Variants in NUP205 observed in about 807,000 individuals in gnomAD.
The protein encoded by NUP205 is nucleoporin 205.
A neutral mutation model predicts 253.8 loss-of-function variants in NUP205; 76 were observed. That is an observed-to-expected ratio of 0.30 (90% CI 0.25 to 0.36). The LOEUF is 0.36. Ranked by LOEUF, NUP205 falls within the 10% of genes least tolerant of loss-of-function variation. NUP205 has a pLI of 1.00. For missense variants in NUP205, 2,162 were observed against 2,425.5 expected (o/e 0.89, Z 2.28); for synonymous variants, 832 against 850.1 (o/e 0.98, Z 0.37).
Position 135,604,428 on chromosome 7 carries a change from A to G in NUP205, c.2791A>G (p.Ile931Val), listed in dbSNP as rs61756012. 11 of 1,609,136 alleles carry G rather than the reference A, an allele frequency of 6.8e-6. No homozygotes were observed. Among genetic ancestry groups the G allele is most frequent in the African/African-American group, 5.3e-5 (4 of 74,808 alleles). ...TATCTCTTGCAACTCTAATATTCAGATAAAGTTGGTTGGAGATTTCACACA... is the reference window on the plus strand; with the variant it reads ...TATCTCTTGCAACTCTAATATTCAGGTAAAGTTGGTTGGAGATTTCACACA... Reference protein sequence around the residue: ...CCISCNSNIQIKLVGDFTHDQ... With the variant: ...CCISCNSNIQVKLVGDFTHDQ... The change falls in exon 19 of 43, where the codon ATA becomes GTA. Residue 931 changes from isoleucine (I) to valine (V), a missense_variant. By Grantham distance (29) the Ile-to-Val change is conservative (BLOSUM62 3). Coordinates refer to ENST00000285968, the MANE Select transcript of NUP205 (RefSeq NM_015135.3).
rs536498179 is a variant in NUP205 at position 135,590,272 on chromosome 7, C to T, written c.1474-1178C>T. ...GATTACAGGCACCCGCCATCATGCCCAGCTAACTTTTGTATTGTTTTAGTT... is the reference window on the plus strand; with the variant it reads ...GATTACAGGCACCCGCCATCATGCCTAGCTAACTTTTGTATTGTTTTAGTT... On this transcript the variant is annotated intron_variant, in intron 10 of 42. Coordinates refer to ENST00000285968, the MANE Select transcript of NUP205 (RefSeq NM_015135.3). Among the ~76,000 whole-genome samples the T allele has an allele frequency of 2.0e-3, 300 of 150,834 alleles. 12 individuals carry two copies. Among genetic ancestry groups the T allele is most frequent in the Non-Finnish European group, 3.0e-3 (200 of 67,580 alleles).
rs1487795034 is a variant in NUP205, at chr7:135,635,731, C to T, written c.5136+74C>T. The stretch of plus-strand genomic sequence containing the variant: ...AATATACCATCCTCCCCATTGTGCC[C>T]CCTAGATTTGGGAAACCCCTTTCAA... On this transcript the variant is annotated intron_variant, in intron 36 of 42. Coordinates refer to ENST00000285968, the MANE Select transcript of NUP205 (RefSeq NM_015135.3). 14 of 858,910 alleles carry T rather than the reference C, an allele frequency of 1.6e-5. No individual in the cohort carries two copies. The East Asian group carries it at 3.7e-4, about 23-fold the overall frequency. 53.2% of individuals were successfully genotyped at this position (858,910 alleles called of 1,614,324 possible). A position where few individuals can be genotyped will look rare whatever the true frequency, so the allele number is the denominator to read the frequency against.
chr7:135,615,838 G>C, intron 23 of NUP205, 78 bp from the exon 24 acceptor site: 1 of 853,174 alleles, frequency 1.2e-6, no homozygotes, highest in Non-Finnish European at 1.7e-6. Context: ...GAAAATATCT[G>C]TTGAGTTACA....
chr7:135,613,405 T>C (rs898865325), intron 22 of NUP205, among the ~76,000 whole-genome samples: 1 of 151,976 alleles, frequency 6.6e-6, no homozygotes, highest in South Asian at 2.1e-4. Flanking sequence ...GTTGAATTTA[T>C]GGATCTTCTT....
intron 35 of NUP205, 39 bp downstream of exon 35, chr7:135,630,509 T>C (rs1794689274): frequency 6.5e-7 from 1 of 1,549,910 alleles, no homozygotes; most frequent in African/African-American, 1.4e-5. Flanking sequence ...AATAATTCTT[T>C]AAAGACTGAC....
At chr7:135,615,840 TG>T in intron 23 of NUP205, 75 bp from the exon 24 acceptor site, 2 of 867,854 alleles carry the variant, frequency 2.3e-6, no homozygotes, top group African/African-American at 3.5e-5. Flanking sequence ...AAATATCTGT[TG>T]AGTTACAGAA....
intron 7 of NUP205, among the ~76,000 whole-genome samples, chr7:135,584,601 CAA>C (rs912630601): frequency 4.6e-5 from 7 of 152,180 alleles, no homozygotes; most frequent in Non-Finnish European, 8.8e-5. Flanking sequence ...GTTATTATTT[CAA>C]AGAGTATGTA....
chr7:135,578,873 G>T lies in NUP205; in HGVS notation c.1000G>T (p.Ala334Ser), dbSNP rs746488337. The T allele has an allele frequency of 1.6e-5, 25 of 1,610,314 alleles. No homozygotes were observed. The highest frequency in any genetic ancestry group is 2.0e-5 in the Non-Finnish European group (24 of 1,179,014). Residue 334 changes from alanine (A) to serine (S), a missense_variant, in exon 7 of 43, where the codon GCG becomes TCG. Physicochemically the swap from Ala to Ser is moderately conservative, Grantham distance 99. This residue lies in a region of NUP205 where 892 missense variants were observed against 957.1 expected (regional missense o/e 0.93). Coordinates refer to ENST00000285968, the MANE Select transcript of NUP205 (RefSeq NM_015135.3). ...CCAAGCCACTGTTAGACTTGCCTGG[G>T]CGCTGGCATTGAGGGGAATATCCCA... ...GLQATVRLAW[A>S]LALRGISQLP...
chr7:135,561,084 C>G (rs1805568397), intron 1 of NUP205, among the ~76,000 whole-genome samples: 1 of 152,136 alleles, frequency 6.6e-6, no homozygotes, highest in South Asian at 2.1e-4. Flanking sequence ...GTGGCTTATG[C>G]CTGTAATCCC....
At chr7:135,607,458 C>A in intron 22 of NUP205, 87 bp downstream of exon 22, 1 of 1,403,060 alleles carries the variant, frequency 7.1e-7, no homozygotes, top group South Asian at 1.4e-5. Flanking sequence ...AGTATAACAG[C>A]AGGACTTAGT....
intron 7 of NUP205, among the ~76,000 whole-genome samples, chr7:135,579,617 G>T (rs1806250206): frequency 6.6e-6 from 1 of 151,968 alleles, no homozygotes; most frequent in South Asian, 2.1e-4. Context: ...TTTCCATACA[G>T]TGTATTAAAA....
Position 135,606,905 on chromosome 7 carries a change from A to T in NUP205, c.3060A>T (p.Leu1020=). ...ELKKPVSTTN[L]QDPGVLGCPR... The stretch of plus-strand genomic sequence containing the variant: ...AAAAACCTGTCAGTACTACAAACCT[A>T]CAAGATCCAGGTATAGCCTAAGACA... The change falls in exon 21 of 43, where the codon CTA becomes CTT. Residue 1020 remains leucine (L), a synonymous_variant. Coordinates refer to ENST00000285968, the MANE Select transcript of NUP205 (RefSeq NM_015135.3). The T allele has an allele frequency of 6.2e-7, 1 of 1,613,824 alleles. No individual in the cohort carries two copies. The highest frequency in any genetic ancestry group is 8.5e-7 in the Non-Finnish European group (1 of 1,179,802).
At chr7:135,571,566 A>C (rs1228402095) in intron 2 of NUP205, among the ~76,000 whole-genome samples, 1 of 151,980 alleles carries the variant, frequency 6.6e-6, no homozygotes, top group East Asian at 1.9e-4. Flanking sequence ...AACTTTTTTT[A>C]ATTTTTAATT....
intron 33 of NUP205, among the ~76,000 whole-genome samples, chr7:135,626,759 A>G (rs1031682024): frequency 6.6e-6 from 1 of 152,220 alleles, no homozygotes; most frequent in South Asian, 2.1e-4. Flanking sequence ...CTAATTCAAA[A>G]GCTTCAAATG....
Position 135,579,005 on chromosome 7 carries a change from A to G in NUP205, c.1042+90A>G, listed in dbSNP as rs182192435. ...AAGGAGTATTATCTTTGACATACATAAGCATAAGCATAGGAAGATATCCAG... is the reference window on the plus strand; with the variant it reads ...AAGGAGTATTATCTTTGACATACATGAGCATAAGCATAGGAAGATATCCAG... On this transcript the variant is annotated intron_variant, in intron 7 of 42. Coordinates refer to ENST00000285968, the MANE Select transcript of NUP205 (RefSeq NM_015135.3). The G allele has an allele frequency of 6.2e-5, 59 of 948,338 alleles. No individual in the cohort carries two copies. In the African/African-American group the frequency reaches 8.9e-4, roughly 14 times the overall value. 58.7% of individuals were successfully genotyped at this position (948,338 alleles called of 1,614,324 possible). A position where few individuals can be genotyped will look rare whatever the true frequency, so the allele number is the denominator to read the frequency against.
chr7:135,595,151 A>G lies in NUP205; in HGVS notation c.2013+422A>G, dbSNP rs937878658. 2.0e-5 allele frequency among the ~76,000 whole-genome samples: 3 copies of G among 151,916 alleles called. No homozygotes were observed. The East Asian group carries it at 5.8e-4, about 29-fold the overall frequency. On this transcript the variant is annotated intron_variant, in intron 13 of 42. Coordinates refer to ENST00000285968, the MANE Select transcript of NUP205 (RefSeq NM_015135.3). ...CCAGAAGAGTGAAGTATCTCTGTAT[A>G]GCTACATGGTCACTGGGGTTGTTTT...
In NUP205 at chr7:135,594,667, G is replaced by A. The variant is rs775257144; in HGVS notation, c.1951G>A (p.Ala651Thr). 1.1e-5 allele frequency: 17 copies of A among 1,613,388 alleles called. No individual in the cohort carries two copies. Among genetic ancestry groups the A allele is most frequent in the Admixed American group, 3.3e-5 (2 of 59,948 alleles). Residue 651 changes from alanine to threonine, a missense_variant, in exon 13 of 43, where the codon GCA becomes ACA. Around this residue, in one of 5 missense-constraint regions of NUP205, gnomAD observed 892 missense variants for 957.1 expected, o/e 0.93. Transcript: ENST00000285968. ...VLKAELLKTL[A>T]AFGKSPEIAA... ...AAAAGCTGAGCTACTGAAGACACTC[G>A]CAGCTTTTGGAAAATCTCCTGAAAT...
In NUP205 at chr7:135,626,097, G is replaced by A. The variant is rs1004868592; in HGVS notation, c.4672-143G>A. ...CTCATGAAAATCCTAGGAAGAAAGC[G>A]GTATAATGTAACCTGTCACTAGCCC... On this transcript the variant is annotated intron_variant, in intron 32 of 42. Transcript: ENST00000285968. The A allele has an allele frequency of 1.5e-5, 14 of 908,176 alleles. No individual in the cohort carries two copies. In the East Asian group the frequency reaches 2.0e-4, roughly 13 times the overall value. The allele number at this position is 908,176 out of a possible 1,614,324, so 56.3% of individuals were successfully genotyped here.
At chr7:135,590,664 T>C (rs1266844452) in intron 10 of NUP205, among the ~76,000 whole-genome samples, 1 of 151,832 alleles carries the variant, frequency 6.6e-6, no homozygotes, top group Admixed American at 6.6e-5. Flanking sequence ...TTTCGAGTAG[T>C]TGGGACTACA....
Sources: gnomAD v4.1 joint callset for allele counts (sites outside exome capture counted in the v4.1 genomes callset) on GRCh38, gnomAD v4.1.1 for gene constraint, gnomAD v4.1.1 regional missense constraint, MANE v1.5 for transcripts, NCBI Gene and HGNC (gene_info 2026-07-23, HGNC 2026-07-21) for gene names.